SERAC1: variants seen among roughly 807,000 people sequenced by gnomAD.
The protein encoded by SERAC1 is protein SERAC1.
A neutral mutation model predicts 85.7 loss-of-function variants in SERAC1; 36 were observed. The observed-to-expected ratio is 0.42, with a 90% confidence interval of 0.32 to 0.55. SERAC1 has a LOEUF of 0.55. SERAC1 is among the 20% of genes least tolerant of loss of function. SERAC1 has a pLI of 0.11. For missense variants in SERAC1, 629 were observed against 796.2 expected (o/e 0.79, Z 2.53); for synonymous variants, 242 against 265.3 (o/e 0.91, Z 0.85).
At chr6:158,122,559 A>T (rs1366713809) in intron 10 of SERAC1, among the ~76,000 whole-genome samples, 1 of 152,188 alleles carries the variant, frequency 6.6e-6, no homozygotes. Context: ...AGGCAGGCAG[A>T]TCACTTGAGG....
chr6:158,159,584 G>C (rs76116349), intron 1 of SERAC1, among the ~76,000 whole-genome samples: 1,846 of 150,128 alleles, frequency 0.012, 38 homozygotes, highest in East Asian at 0.12. Context: ...CTGTTTAAGA[G>C]TGTAGCTTTT....
intron 8 of SERAC1, among the ~76,000 whole-genome samples, chr6:158,134,598 T>C (rs1946390): frequency 0.28 from 42,286 of 151,986 alleles, 5,977 homozygotes; most frequent in South Asian, 0.36. Flanking sequence ...TTATCCCATA[T>C]GGATTAGAAA....
At chr6:158,144,600 C>T (rs779484545) in intron 6 of SERAC1, among the ~76,000 whole-genome samples, 180 bp from the exon 7 acceptor site, 40 of 152,214 alleles carry the variant, frequency 2.6e-4, no homozygotes, top group Non-Finnish European at 5.0e-4. Flanking sequence ...GTTTCCAGGA[C>T]TGATCTCACA....
intron 10 of SERAC1, among the ~76,000 whole-genome samples, chr6:158,126,019 A>G (rs1218730304): frequency 6.6e-6 from 1 of 152,238 alleles, no homozygotes; most frequent in East Asian, 1.9e-4. Context: ...CAACATAACC[A>G]AACGATATCA....
intron 10 of SERAC1, among the ~76,000 whole-genome samples, chr6:158,126,672 T>A (rs1449727983): frequency 6.6e-6 from 1 of 152,116 alleles, no homozygotes; most frequent in East Asian, 1.9e-4. Context: ...TTAAAGTATC[T>A]CCCCACAGCT....
Position 158,117,976 on chromosome 6 carries a change from C to CTT in SERAC1, c.1309-156_1309-155insAA, listed in dbSNP as rs143949473. Among the ~76,000 whole-genome samples the CTT allele has an allele frequency of 6.8e-3, 1,034 of 152,296 alleles. 16 individuals carry two copies. The highest frequency in any genetic ancestry group is 0.024 in the African/African-American group (986 of 41,570). ...AGGTACCGTAAAAACAATTCCAGCA[C>CTT]TATCTTTTCAAGTCTCTGGTCTCGA... On this transcript the variant is annotated intron_variant, in intron 12 of 16. Coordinates refer to ENST00000647468, the MANE Select transcript of SERAC1 (RefSeq NM_032861.4). The surrounding 1 kb of genome is among the most constrained non-coding windows in gnomAD (Gnocchi z 4.3).
At position 158,120,404 on chromosome 6, in the gene SERAC1, A is replaced by G. The variant is rs1485403029; in HGVS notation, c.1166+21T>C. 1.2e-6 allele frequency: 2 copies of G among 1,601,790 alleles called. No homozygotes were observed. Among genetic ancestry groups the G allele is most frequent in the East Asian group, 2.2e-5 (1 of 44,544 alleles). On this transcript the variant is annotated intron_variant, in intron 11 of 16. Transcript: ENST00000647468. This position sits in a 1 kb window ranked among gnomAD's most constrained non-coding sequence, Gnocchi z 4.4. ...TTCACATTTCCAAAGGGGACAAAGCAACTCTCTTCTGCTTCCTTACCTTGT... is the reference window on the plus strand; with the variant it reads ...TTCACATTTCCAAAGGGGACAAAGCGACTCTCTTCTGCTTCCTTACCTTGT...
chr6:158,143,361 A>G, intron 7 of SERAC1, among the ~76,000 whole-genome samples, 177 bp from the exon 8 acceptor site: 1 of 41,986 alleles, frequency 2.4e-5, no homozygotes, highest in Non-Finnish European at 4.7e-5. Flanking sequence ...ATATATATAT[A>G]TATATATATA....
At chr6:158,147,214 C>T (rs1785085239) in intron 5 of SERAC1, among the ~76,000 whole-genome samples, 1 of 151,944 alleles carries the variant, frequency 6.6e-6, no homozygotes, top group Non-Finnish European at 1.5e-5. Flanking sequence ...TCGTGGCTCA[C>T]TGCAGCTTCG....
chr6:158,154,159 CAAAA>C (rs3041474), intron 3 of SERAC1, among the ~76,000 whole-genome samples: 38 of 66,042 alleles, frequency 5.8e-4, no homozygotes, highest in African/African-American at 2.1e-3. Context: ...AACTCTGTCT[CAAAA>C]AAAAAAAAAA....
rs1326086151 is a variant in SERAC1 at position 158,113,557 on chromosome 6, G to C, written c.1720C>G (p.Leu574Val). 6.2e-7 allele frequency: 1 copy of C among 1,613,828 alleles called. No individual in the cohort carries two copies. The highest frequency in any genetic ancestry group is 1.1e-5 in the South Asian group (1 of 91,064). The part of the protein sequence containing the change: ...PALKTLQDDF[L>V]EFAKDKNFQV... ...AAGTTTTTGTCTTTAGCAAACTCCA[G>C]AAAGTCATCTTGTAGTGTTTTAAGT... Residue 574 changes from leucine (L) to valine (V), a missense_variant, in exon 16 of 17, where the codon CTG becomes GTG. Leu to Val is a conservative substitution (Grantham distance 32). Coordinates refer to ENST00000647468, the MANE Select transcript of SERAC1 (RefSeq NM_032861.4).
intron 1 of SERAC1, among the ~76,000 whole-genome samples, chr6:158,160,181 T>A (rs1583612409): frequency 6.6e-6 from 1 of 152,334 alleles, no homozygotes; most frequent in East Asian, 1.9e-4. Context: ...TTCATACTGA[T>A]TTGCGCACTT....
At position 158,128,133 on chromosome 6, in the gene SERAC1, A is replaced by T. The variant is rs1363338624; in HGVS notation, c.990T>A (p.His330Gln). 1 of 1,614,004 alleles carries T rather than the reference A, an allele frequency of 6.2e-7. No individual in the cohort carries two copies. The highest frequency in any genetic ancestry group is 1.3e-5 in the African/African-American group (1 of 75,016). The part of the protein sequence containing the change: ...RVIGNMALNE[H>Q]LHSSIVRSGW... Reference sequence around the variant, plus strand: ...CTGAGCGAACTATAGAAGAATGAAGATGTTCATTCAAAGCCATATTTCCAA... The same window carrying T: ...CTGAGCGAACTATAGAAGAATGAAGTTGTTCATTCAAAGCCATATTTCCAA... Residue 330 changes from histidine to glutamine, a missense_variant, in exon 10 of 17, where the codon CAT (histidine) becomes CAA (glutamine). Transcript: ENST00000647468.
At chr6:158,137,016 G>GGCAT (rs1427335053) in intron 8 of SERAC1, among the ~76,000 whole-genome samples, 1 of 151,990 alleles carries the variant, frequency 6.6e-6, no homozygotes. Flanking sequence ...AAATCAGCTG[G>GGCAT]GCATGGTGGC....
intron 6 of SERAC1, among the ~76,000 whole-genome samples, chr6:158,145,566 G>T (rs994842613): frequency 6.7e-6 from 1 of 148,778 alleles, no homozygotes; most frequent in African/African-American, 2.5e-5. Context: ...TGTTGTCCAG[G>T]CTGGAGTGGA....
intron 2 of SERAC1, among the ~76,000 whole-genome samples, chr6:158,156,775 AAT>A (rs1330953162): frequency 7.2e-6 from 1 of 139,248 alleles, no homozygotes; most frequent in East Asian, 2.0e-4. Flanking sequence ...TTTTATATAT[AAT>A]AAATATATTA....
At chr6:158,122,418 T>C (rs756404755) in intron 10 of SERAC1, among the ~76,000 whole-genome samples, 9 of 152,224 alleles carry the variant, frequency 5.9e-5, no homozygotes, top group Non-Finnish European at 1.3e-4. Flanking sequence ...ATTTACATCC[T>C]CAGAGTAATG....
At chr6:158,129,126 AT>A (rs1234358993) in intron 9 of SERAC1, among the ~76,000 whole-genome samples, 16 of 152,222 alleles carry the variant, frequency 1.1e-4, no homozygotes, top group African/African-American at 3.9e-4. Context: ...TTCTGGAAAG[AT>A]AACTATTATA....
rs143864004 is a variant in SERAC1 at position 158,110,184 on chromosome 6, G to A, written c.*1182C>T. 4.1e-4 allele frequency: 62 copies of A among 152,262 alleles called. No individual in the cohort carries two copies. The highest frequency in any genetic ancestry group is 1.3e-3 in the African/African-American group (53 of 41,532). The allele number at this position is 152,262 out of a possible 1,614,324, so 9.4% of individuals were successfully genotyped here. ...GCTTGAGATCGGGAGTTTGAGACCTGGGCAACACAGTGAGACCCTGTCTCT... is the reference window on the plus strand; with the variant it reads ...GCTTGAGATCGGGAGTTTGAGACCTAGGCAACACAGTGAGACCCTGTCTCT... On this transcript the variant is annotated 3_prime_UTR_variant, in exon 17 of 17. Coordinates refer to ENST00000647468, the MANE Select transcript of SERAC1 (RefSeq NM_032861.4).
Sources: gnomAD v4.1 joint callset for allele counts (sites outside exome capture counted in the v4.1 genomes callset) on GRCh38, gnomAD v4.1.1 for gene constraint, Gnocchi (gnomAD v3.1) non-coding constraint, MANE v1.5 for transcripts, NCBI Gene and HGNC (gene_info 2026-07-23, HGNC 2026-07-21) for gene names.